The following BAZ2B variants were observed in gnomAD, a reference collection of about 807,000 sequenced individuals.
BAZ2B encodes the protein bromodomain adjacent to zinc finger domain 2B.
In BAZ2B, 91 loss-of-function variants were observed where a neutral mutation model predicts 246.0. The observed-to-expected ratio is 0.37, with a 90% CI of 0.31 to 0.44. The LOEUF is 0.44. BAZ2B is among the 20% of genes least tolerant of loss of function. BAZ2B has a pLI of 1.00. For synonymous variants in BAZ2B, 855 were observed against 860.0 expected (o/e 0.99, Z 0.10); for missense variants, 2,332 against 2,533.7 (o/e 0.92, Z 1.71).
intron 1 of BAZ2B, among the ~76,000 whole-genome samples, chr2:159,578,205 C>A (rs1578562843): frequency 6.6e-6 from 1 of 152,022 alleles, no homozygotes; most frequent in African/African-American, 2.4e-5. Context: ...AAGAAACAGA[C>A]TGTGGTTTCA....
At chr2:159,524,706 G>A (rs2084537826) in intron 2 of BAZ2B, among the ~76,000 whole-genome samples, 1 of 152,096 alleles carries the variant, frequency 6.6e-6, no homozygotes, top group African/African-American at 2.4e-5. Flanking sequence ...TTTAAACTAA[G>A]AACACTGGAT....
intron 16 of BAZ2B, among the ~76,000 whole-genome samples, chr2:159,402,214 G>A (rs1342225266): frequency 1.3e-5 from 2 of 152,214 alleles, no homozygotes; most frequent in Admixed American, 6.5e-5. Flanking sequence ...CTGGGAGGCC[G>A]AGGCGGGCAG....
chr2:159,513,208 T>A (rs966299140), intron 2 of BAZ2B, among the ~76,000 whole-genome samples: 4 of 152,214 alleles, frequency 2.6e-5, no homozygotes, highest in Admixed American at 6.5e-5. Flanking sequence ...TCTTAAAACT[T>A]GACTACCCAG....
At chr2:159,644,630 C>A in the BAZ2B span, among the ~76,000 whole-genome samples, 1 of 152,230 alleles carries the variant, frequency 6.6e-6, no homozygotes, top group East Asian at 1.9e-4. Context: ...CAGTAGAATT[C>A]AAGAAGTCTG....
intron 28 of BAZ2B, among the ~76,000 whole-genome samples, 180 bp downstream of exon 28, chr2:159,349,528 A>T (rs756995061): frequency 7.2e-5 from 11 of 152,234 alleles, no homozygotes; most frequent in Non-Finnish European, 1.0e-4. Context: ...AGACTTAGAC[A>T]AAGTCTAGAA....
At chr2:159,425,695 C>T (rs34674147) in intron 13 of BAZ2B, among the ~76,000 whole-genome samples, 50,444 of 152,040 alleles carry the variant, frequency 0.33, 9,949 homozygotes, top group Non-Finnish European at 0.47. Flanking sequence ...ATTGTAAATA[C>T]GTATGATCAT....
chr2:159,517,819 T>C (rs1196558645), intron 2 of BAZ2B, among the ~76,000 whole-genome samples: 1 of 152,156 alleles, frequency 6.6e-6, no homozygotes, highest in African/African-American at 2.4e-5. Context: ...TATTCGGTAT[T>C]GAGCCACATT....
intron 6 of BAZ2B, among the ~76,000 whole-genome samples, chr2:159,440,381 G>A (rs1274985597): frequency 1.3e-5 from 2 of 152,088 alleles, no homozygotes; most frequent in African/African-American, 4.8e-5. Flanking sequence ...CCACAACAGA[G>A]AGCCAAATTG....
chr2:159,679,281 A>AC, the BAZ2B span, among the ~76,000 whole-genome samples: 25 of 143,650 alleles, frequency 1.7e-4, 1 homozygote, highest in Non-Finnish European at 2.6e-4. Context: ...CAAAAAAAAA[A>AC]AAAAAAAAAA....
At chr2:159,555,567 A>G (rs932748659) in intron 2 of BAZ2B, 7 of 152,324 alleles carry the variant, frequency 4.6e-5, no homozygotes, top group Admixed American at 6.5e-5. Flanking sequence ...ATAATTTAGT[A>G]TATTTAGGCC....
chr2:159,421,485 G>A (rs1165962724), intron 13 of BAZ2B, among the ~76,000 whole-genome samples: 3 of 151,852 alleles, frequency 2.0e-5, no homozygotes, highest in Non-Finnish European at 2.9e-5. Flanking sequence ...TTTTATCCCC[G>A]TTTCATTTGT....
At chr2:159,410,806 T>C (rs2066712762) in intron 14 of BAZ2B, among the ~76,000 whole-genome samples, 1 of 152,324 alleles carries the variant, frequency 6.6e-6, no homozygotes, top group Non-Finnish European at 1.5e-5. Context: ...ATTTGTATAA[T>C]ATATGCTTAG....
chr2:159,472,395 C>T (rs538630096), intron 3 of BAZ2B, among the ~76,000 whole-genome samples: 1 of 152,226 alleles, frequency 6.6e-6, no homozygotes, highest in Admixed American at 6.5e-5. Context: ...CAAACAGAGA[C>T]AATTTGATTT....
rs577131852 is a variant in BAZ2B, at chr2:159,580,466, A to T, written c.-45-24601T>A. ...CCATGCTCATGGATAGGAAGAACCA[A>T]TATCGTGAAAATGGCCATACTGCCC... On this transcript the variant is annotated intron_variant, in intron 1 of 36. Transcript: ENST00000392783. 2.0e-4 allele frequency among the ~76,000 whole-genome samples: 31 copies of T among 152,314 alleles called. 1 individual carries two copies. In the South Asian group the frequency reaches 6.2e-3, roughly 31 times the overall value.
At chr2:159,326,668 T>A (rs2063754354) in intron 34 of BAZ2B, among the ~76,000 whole-genome samples, 1 of 152,148 alleles carries the variant, frequency 6.6e-6, no homozygotes, top group East Asian at 1.9e-4. Context: ...TTTTCTCACT[T>A]AAAAAATAAG....
chr2:159,395,875 ATT>A, intron 19 of BAZ2B, 41 bp from the exon 20 acceptor site: 1 of 1,526,096 alleles, frequency 6.6e-7, no homozygotes, highest in Admixed American at 2.0e-5. Flanking sequence ...CTCAGCCACA[ATT>A]AACAGTTTGA....
chr2:159,679,950 C>T, the BAZ2B span, among the ~76,000 whole-genome samples: 1 of 152,216 alleles, frequency 6.6e-6, no homozygotes, highest in Admixed American at 6.5e-5. Context: ...AGAGTTGGGG[C>T]TCCCATTGCG....
chr2:159,558,955 T>C (rs1402370546), intron 1 of BAZ2B, among the ~76,000 whole-genome samples: 3 of 152,250 alleles, frequency 2.0e-5, no homozygotes, highest in East Asian at 1.9e-4. Flanking sequence ...GGTAGCTACA[T>C]AGGCCAGGCG....
the BAZ2B span, among the ~76,000 whole-genome samples, chr2:159,643,576 C>T: frequency 5.7e-4 from 86 of 151,956 alleles, 1 homozygote; most frequent in African/African-American, 2.0e-3. Context: ...AAAATACATG[C>T]CTTAAAAGTC....
Sources: gnomAD v4.1 joint callset for allele counts (sites outside exome capture counted in the v4.1 genomes callset) on GRCh38, gnomAD v4.1.1 for gene constraint, MANE v1.5 for transcripts, NCBI Gene and HGNC (gene_info 2026-07-23, HGNC 2026-07-21) for gene names.